Variants in MYT1L observed in about 807,000 individuals in gnomAD.
The protein encoded by MYT1L is myelin transcription factor 1-like protein.
Under a neutral mutation model 126.7 loss-of-function variants are expected in MYT1L, and 12 were observed. The ratio of observed to expected loss-of-function variants is 0.09; its 90% CI spans 0.06 to 0.15. The LOEUF (loss-of-function observed/expected upper bound fraction) is 0.15. Ranked by LOEUF, MYT1L falls within the 10% of genes least tolerant of loss-of-function variation. The probability of loss-of-function intolerance (pLI) is 1.00; values close to 1 mark genes in which losing one functional copy is unlikely to be tolerated. For synonymous variants in MYT1L, 541 were observed against 604.2 expected, an observed-to-expected ratio of 0.90 and a Z score of 1.53; for missense variants, 979 against 1,585.2, an observed-to-expected ratio of 0.62 and a Z score of 6.49.
At chr2:1,909,078 G>T (rs2051514757) in intron 13 of MYT1L, among the ~76,000 whole-genome samples, 1 of 152,090 alleles carries the variant, frequency 6.6e-6, no homozygotes, top group Non-Finnish European at 1.5e-5. Flanking sequence ...CATATTGTTT[G>T]CCCAGTGATT....
intron 17 of MYT1L, 51 bp from the exon 18 acceptor site, chr2:1,886,658 T>C (rs1038518395): frequency 7.0e-6 from 9 of 1,288,696 alleles, no homozygotes; most frequent in Non-Finnish European, 9.4e-6. Context: ...AGCGCGTAAC[T>C]CCCAAACAAA....
intron 2 of MYT1L, among the ~76,000 whole-genome samples, chr2:2,187,889 A>T (rs1013559727): frequency 1.2e-4 from 18 of 152,188 alleles, no homozygotes; most frequent in African/African-American, 4.3e-4. Flanking sequence ...TCTGAAAAAA[A>T]GTTCTCAGAT....
chr2:2,005,992 G>GTTCTCTCCTGCATGCA, intron 4 of MYT1L, among the ~76,000 whole-genome samples: 1 of 144,862 alleles, frequency 6.9e-6, no homozygotes, highest in Middle Eastern at 4.1e-3. Flanking sequence ...TCCTGCATGC[G>GTTCTCTCCTGCATGCA]TTCTTTCCTG....
chr2:2,112,761 A>C (rs1200611311), intron 3 of MYT1L, among the ~76,000 whole-genome samples: 3 of 152,208 alleles, frequency 2.0e-5, no homozygotes, highest in Admixed American at 2.0e-4. Flanking sequence ...CACTCTGCTG[A>C]CCACTGCATG....
At chr2:2,025,108 A>G (rs1255384057) in intron 4 of MYT1L, among the ~76,000 whole-genome samples, 2 of 152,182 alleles carry the variant, frequency 1.3e-5, no homozygotes, top group Non-Finnish European at 2.9e-5. Flanking sequence ...AGGCAAACCC[A>G]ATATAGATGG....
chr2:2,273,694 C>T (rs769069017), intron 2 of MYT1L, among the ~76,000 whole-genome samples: 2 of 152,104 alleles, frequency 1.3e-5, no homozygotes, highest in East Asian at 1.9e-4. Context: ...GCTGCAGCAG[C>T]GGGAGGTACC....
chr2:1,896,401 G>A (rs1280369974), intron 14 of MYT1L, among the ~76,000 whole-genome samples: 3 of 152,154 alleles, frequency 2.0e-5, no homozygotes, highest in Non-Finnish European at 4.4e-5. Flanking sequence ...TCATCACCAT[G>A]CTCTTCACAA....
intron 14 of MYT1L, chr2:1,902,839 T>C (rs1312340060): frequency 3.8e-6 from 2 of 521,570 alleles, no homozygotes; most frequent in East Asian, 3.4e-5. Context: ...AGCAGCCGAG[T>C]GCGCTGTCTC....
chr2:2,047,375 G>C (rs1041594130), intron 4 of MYT1L, among the ~76,000 whole-genome samples: 2 of 152,160 alleles, frequency 1.3e-5, no homozygotes, highest in African/African-American at 4.8e-5. Context: ...GGTCAAATTA[G>C]AATTTTGTCC....
chr2:2,115,667 C>T (rs1395452130), intron 3 of MYT1L, among the ~76,000 whole-genome samples: 1 of 152,226 alleles, frequency 6.6e-6, no homozygotes, highest in Non-Finnish European at 1.5e-5. Context: ...GAGTGAGATG[C>T]CCCTGCCTTT....
chr2:2,272,024 C>T (rs986995276), intron 2 of MYT1L, among the ~76,000 whole-genome samples: 6 of 152,248 alleles, frequency 3.9e-5, no homozygotes, highest in Non-Finnish European at 2.9e-5. Flanking sequence ...TGCCTGAACT[C>T]TGCATCCTGG....
chr2:1,819,491 AG>A (rs534269762), intron 21 of MYT1L, among the ~76,000 whole-genome samples: 4 of 152,366 alleles, frequency 2.6e-5, no homozygotes, highest in Admixed American at 2.6e-4. Context: ...CCATACAGTC[AG>A]AAAAGGCAGG....
Position 2,228,869 on chromosome 2 carries a change from C to T in MYT1L, c.-421+55535G>A, listed in dbSNP as rs1479349104. ...AATAAATTTGTGCTCAATATTAGCA[C>T]ATATTAACAATCTTTTTAAAAAATA... On this transcript the variant is annotated intron_variant, in intron 2 of 24. Coordinates refer to ENST00000647738, the MANE Select transcript of MYT1L (RefSeq NM_001303052.2). This position sits in a 1 kb window ranked among gnomAD's most constrained non-coding sequence, Gnocchi z 5.9. Among the ~76,000 whole-genome samples the T allele has an allele frequency of 6.6e-6, 1 of 152,154 alleles. No individual in the cohort carries two copies. Among genetic ancestry groups the T allele is most frequent in the East Asian group, 1.9e-4 (1 of 5,176 alleles).
In MYT1L at chr2:2,192,977, T is replaced by C. The variant is rs192962299; in HGVS notation, c.-420-19989A>G. On this transcript the variant is annotated intron_variant, in intron 2 of 24. Coordinates refer to ENST00000647738, the MANE Select transcript of MYT1L (RefSeq NM_001303052.2). ...CTGGCTCTTCAGGTTTTGTTTTTTT[T>C]CTTAAGACAGAGTCTCACTCTGTCA... Among the ~76,000 whole-genome samples the C allele has an allele frequency of 5.3e-5, 8 of 152,212 alleles. No homozygotes were observed. The South Asian group carries it at 8.3e-4, about 16-fold the overall frequency.
chr2:1,960,178 G>A (rs1315102068), intron 8 of MYT1L, among the ~76,000 whole-genome samples: 4 of 152,150 alleles, frequency 2.6e-5, no homozygotes, highest in Non-Finnish European at 4.4e-5. Context: ...GTGGAAAGAC[G>A]ACATACAAGG....
At chr2:2,198,661 A>G (rs2092927786) in intron 2 of MYT1L, among the ~76,000 whole-genome samples, 1 of 152,092 alleles carries the variant, frequency 6.6e-6, no homozygotes, top group African/African-American at 2.4e-5. Context: ...GCTTGAGATC[A>G]GCTTGACCAA....
intron 3 of MYT1L, among the ~76,000 whole-genome samples, chr2:2,119,314 G>C (rs1188842670): frequency 6.6e-6 from 1 of 152,156 alleles, no homozygotes; most frequent in African/African-American, 2.4e-5. Flanking sequence ...AGGCACTTAA[G>C]AATTCATGCT....
intron 1 of MYT1L, among the ~76,000 whole-genome samples, chr2:2,293,313 G>A (rs1416556952): frequency 6.6e-6 from 1 of 152,200 alleles, no homozygotes; most frequent in Non-Finnish European, 1.5e-5. Flanking sequence ...CCTGCCAAGT[G>A]CACTAAGGAA....
Position 2,119,007 on chromosome 2 carries a change from A to G in MYT1L, c.-304+53865T>C, listed in dbSNP as rs982717919. 3.9e-5 allele frequency among the ~76,000 whole-genome samples: 6 copies of G among 152,380 alleles called. No individual in the cohort carries two copies. In the South Asian group the frequency reaches 8.3e-4, roughly 21 times the overall value. ...TTCCAGTTTTCCTGCCACCATATTC[A>G]TTAGGTTAAATATTCAACCATGTGG... On this transcript the variant is annotated intron_variant, in intron 3 of 24. Transcript: ENST00000647738.
Sources: allele counts gnomAD v4.1 joint callset (sites outside exome capture counted in the v4.1 genomes callset), GRCh38; gene constraint gnomAD v4.1.1; non-coding constraint Gnocchi (gnomAD v3.1); transcripts MANE v1.5; gene names NCBI Gene and HGNC (gene_info 2026-07-23, HGNC 2026-07-21).